ADGRG1: variants seen among roughly 807,000 people sequenced by gnomAD.
ADGRG1 encodes 7-transmembrane protein with no EGF-like N-terminal domains-1.
Under a neutral mutation model 73.5 loss-of-function variants are expected in ADGRG1, and 53 were observed. The ratio of observed to expected loss-of-function variants is 0.72; its 90% CI spans 0.58 to 0.91. ADGRG1 has a LOEUF of 0.91. ADGRG1 is among the 40% of genes least tolerant of loss of function. The pLI, the probability that ADGRG1 is intolerant of heterozygous loss-of-function variation, is 0.00. For missense variants in ADGRG1, 795 were observed against 871.8 expected (o/e 0.91, Z 1.11); for synonymous variants, 394 against 374.4 (o/e 1.05, Z -0.60).
chr16:57,643,447 C>T, intron 1 of ADGRG1: 1 of 483,682 alleles, frequency 2.1e-6, no homozygotes, highest in Non-Finnish European at 2.7e-6. Context: ...CCCAACTTCT[C>T]CCCTTTGTCA....
chr16:57,635,639 G>A (rs776610937), intron 1 of ADGRG1: 31 of 984,806 alleles, frequency 3.1e-5, no homozygotes, highest in Non-Finnish European at 3.6e-5. Context: ...GTCCAACCCC[G>A]CCCCTGTTCC....
chr16:57,645,363 C>G, intron 1 of ADGRG1: 2 of 972,838 alleles, frequency 2.1e-6, no homozygotes, highest in Non-Finnish European at 2.4e-6. Context: ...CCTTGGCTCC[C>G]TTCCCACCCC....
intron 1 of ADGRG1, chr16:57,645,946 T>C (rs2042531782): frequency 6.6e-6 from 1 of 152,236 alleles, no homozygotes. Flanking sequence ...ATGAGCGGAA[T>C]GTCACGGGGC....
intron 1 of ADGRG1, chr16:57,645,165 T>C: frequency 7.1e-6 from 7 of 985,408 alleles, no homozygotes; most frequent in Non-Finnish European, 8.4e-6. Context: ...AGCAGCTCAG[T>C]GTCGTGCCCC....
At chr16:57,639,999 C>A (rs1168856989) in intron 1 of ADGRG1, 2 of 271,716 alleles carry the variant, frequency 7.4e-6, no homozygotes, top group South Asian at 1.4e-4. Flanking sequence ...CCCGTCCCTG[C>A]AGCCCAGCCC....
At chr16:57,640,872 A>G in intron 1 of ADGRG1, 1 of 985,386 alleles carries the variant, frequency 1.0e-6, no homozygotes, top group Non-Finnish European at 1.2e-6. Context: ...GGGGTAGTTG[A>G]ACTGCTAAGC....
intron 13 of ADGRG1, chr16:57,662,955 A>T (rs1385926485): frequency 3.0e-6 from 3 of 985,192 alleles, no homozygotes; most frequent in Non-Finnish European, 3.6e-6. Flanking sequence ...ATGTTACCAC[A>T]TTTCGGTTAT....
At chr16:57,623,795 G>C, upstream of ADGRG1, 1 of 985,344 alleles carries the variant, frequency 1.0e-6, no homozygotes, top group Non-Finnish European at 1.2e-6. Context: ...ATGGGACTAT[G>C]GGTACCCCCA....
intron 1 of ADGRG1, chr16:57,647,692 C>A: frequency 1.5e-6 from 1 of 666,058 alleles, no homozygotes; most frequent in Non-Finnish European, 1.9e-6. Context: ...GCCAGCCAGC[C>A]CCTCCCCTCA....
chr16:57,650,103 T>C (rs766030062), intron 1 of ADGRG1, 150 bp from the exon 2 acceptor site: 96 of 1,459,622 alleles, frequency 6.6e-5, no homozygotes, highest in Non-Finnish European at 8.5e-5. Context: ...GAGCGGCCTC[T>C]GGCCGCTCTG....
At position 57,657,410 on chromosome 16, in the gene ADGRG1, A is replaced by G. The variant is rs906181049; in HGVS notation, c.1205A>G (p.Tyr402Cys). 2 of 1,613,810 alleles carry G rather than the reference A, an allele frequency of 1.2e-6. No homozygotes were observed. Among genetic ancestry groups the G allele is most frequent in the African/African-American group, 2.7e-5 (2 of 74,856 alleles). ...GAGGTGGACGCCGTGCACAAGCACT[A>G]CCTGAGCCTCCTCTCCTACGTGGGC... ...SVEVDAVHKH[Y>C]LSLLSYVGCV... The change falls in exon 10 of 14, where the codon TAC becomes TGC. Residue 402 changes from tyrosine (Y) to cysteine (C), a missense_variant. Coordinates refer to ENST00000562631, the MANE Select transcript of ADGRG1 (RefSeq NM_201525.4).
At chr16:57,649,571 T>C (rs1243665703) in intron 1 of ADGRG1, among the ~76,000 whole-genome samples, 3 of 152,076 alleles carry the variant, frequency 2.0e-5, no homozygotes, top group African/African-American at 7.2e-5. Context: ...CCCTTTTTTC[T>C]GTGTTCCCTC....
At chr16:57,644,056 C>T in intron 1 of ADGRG1, 1 of 985,304 alleles carries the variant, frequency 1.0e-6, no homozygotes, top group South Asian at 4.7e-5. Context: ...AGACGCCACG[C>T]CACCCACCAT....
chr16:57,644,592 ACACT>A (rs1172988711), intron 1 of ADGRG1, among the ~76,000 whole-genome samples: 5 of 145,592 alleles, frequency 3.4e-5, no homozygotes, highest in African/African-American at 1.0e-4. Flanking sequence ...CACTGATCAC[ACACT>A]CATGCAAGGG....
intron 1 of ADGRG1, chr16:57,629,147 G>T: frequency 1.0e-6 from 1 of 984,050 alleles, no homozygotes; most frequent in Non-Finnish European, 1.2e-6. Flanking sequence ...AGTGGGTAGG[G>T]ATGGTGGTGA....
chr16:57,620,624 G>T (rs374579938), upstream of ADGRG1, among the ~76,000 whole-genome samples: 27 of 152,312 alleles, frequency 1.8e-4, no homozygotes, highest in African/African-American at 6.5e-4. Context: ...GCCTCCCTTA[G>T]CGAGCCAAAT....
At chr16:57,644,421 C>T (rs932686555) in intron 1 of ADGRG1, among the ~76,000 whole-genome samples, 3 of 148,596 alleles carry the variant, frequency 2.0e-5, no homozygotes, top group Admixed American at 6.7e-5. Flanking sequence ...CACACACACT[C>T]GTCACACACT....
intron 1 of ADGRG1, chr16:57,636,740 C>T: frequency 1.0e-6 from 1 of 972,462 alleles, no homozygotes; most frequent in Non-Finnish European, 1.2e-6. Flanking sequence ...ATCCAGCAGT[C>T]ACTGGGGATC....
chr16:57,622,851 G>T (rs116299643), upstream of ADGRG1: 42,687 of 985,366 alleles, frequency 0.043, 1,029 homozygotes, highest in African/African-American at 0.095. Context: ...TCAGCAGGCG[G>T]GGGTGGACCT....
Sources: gnomAD v4.1 joint callset for allele counts (sites outside exome capture counted in the v4.1 genomes callset) on GRCh38, gnomAD v4.1.1 for gene constraint, MANE v1.5 for transcripts, NCBI Gene and HGNC (gene_info 2026-07-23, HGNC 2026-07-21) for gene names.